Variants in ABI3BP observed in about 807,000 individuals in gnomAD.
ABI3BP encodes target of Nesh-SH3.
In ABI3BP, 216 loss-of-function variants were observed where a neutral mutation model predicts 268.6. That is an observed-to-expected ratio of 0.80 (90% confidence interval 0.72 to 0.90). ABI3BP has a LOEUF of 0.90. Ranked by LOEUF, ABI3BP falls within the 40% of genes least tolerant of loss-of-function variation. The pLI, the probability that ABI3BP is intolerant of heterozygous loss-of-function variation, is 0.00. For missense variants in ABI3BP, 2,090 were observed against 2,182.4 expected (o/e 0.96, Z 0.84); for synonymous variants, 730 against 730.0 (o/e 1.00, Z 0.00).
intron 1 of ABI3BP, among the ~76,000 whole-genome samples, chr3:100,958,526 T>C (rs1007550556): frequency 2.0e-5 from 3 of 152,252 alleles, no homozygotes; most frequent in Non-Finnish European, 4.4e-5. Context: ...GAGTATATTA[T>C]GAAAGTGTCC....
intron 3 of ABI3BP, 90 bp from the exon 4 acceptor site, chr3:100,898,984 G>C: frequency 7.4e-7 from 1 of 1,351,712 alleles, no homozygotes; most frequent in South Asian, 1.5e-5. Context: ...GACTTGGCAA[G>C]ATGATGCAAA....
At chr3:100,909,168 C>T (rs1159605142) in intron 2 of ABI3BP, among the ~76,000 whole-genome samples, 2 of 152,166 alleles carry the variant, frequency 1.3e-5, no homozygotes, top group African/African-American at 4.8e-5. Flanking sequence ...AAAGGATTCA[C>T]TACTTAACAA....
intron 1 of ABI3BP, among the ~76,000 whole-genome samples, chr3:100,949,814 G>T (rs1323725511): frequency 1.3e-5 from 2 of 152,166 alleles, no homozygotes; most frequent in African/African-American, 4.8e-5. Flanking sequence ...TTTGAAGAAG[G>T]AGGACTGTAT....
intron 18 of ABI3BP, 53 bp from the exon 19 acceptor site, chr3:100,847,726 C>A: frequency 6.9e-7 from 1 of 1,454,996 alleles, no homozygotes; most frequent in African/African-American, 1.4e-5. Context: ...AATAAAAAGA[C>A]ACCCTCTAAA....
intron 44 of ABI3BP, among the ~76,000 whole-genome samples, chr3:100,814,356 T>G (rs1391461638): frequency 6.6e-6 from 1 of 151,750 alleles, no homozygotes; most frequent in Non-Finnish European, 1.5e-5. Flanking sequence ...CATCTAGGAG[T>G]GTTTTGTTCT....
Position 100,834,713 on chromosome 3 carries a change from G to A in ABI3BP, c.2252C>T (p.Pro751Leu). 1 of 1,535,726 alleles carries A rather than the reference G, an allele frequency of 6.5e-7. No individual in the cohort carries two copies. The highest frequency in any genetic ancestry group is 8.7e-7 in the Non-Finnish European group (1 of 1,146,554). The stretch of plus-strand genomic sequence containing the variant: ...TTTGGTCTGCAGTGTCTCTGGGCGT[G>A]GCGTGGTTTTATGTTTGGGACGTGG... ...RRPRPKHKTT[P>L]RPETLQTKLD... The change falls in exon 29 of 68, where the codon CCA becomes CTA. Residue 751 changes from proline (P) to leucine (L), a missense_variant. Transcript: ENST00000471714.
In ABI3BP at chr3:100,749,865, T is replaced by G. The variant is rs558696338; in HGVS notation, c.*630A>C. On this transcript the variant is annotated 3_prime_UTR_variant, in exon 68 of 68. Transcript: ENST00000471714. ...TTTTAGCTGAAATGAAATTTACTGA[T>G]TCAATCTTTTTAAGAATTTGTGGAT... 5.0e-6 allele frequency: 2 copies of G among 396,146 alleles called. No homozygotes were observed. The highest frequency in any genetic ancestry group is 2.1e-5 in the African/African-American group (1 of 48,692). The allele number at this position is 396,146 out of a possible 1,614,324, so 24.5% of individuals were successfully genotyped here. A position where few individuals can be genotyped will look rare whatever the true frequency, so the allele number is the denominator to read the frequency against.
At chr3:100,787,605 G>A in intron 57 of ABI3BP, 123 bp downstream of exon 57, 1 of 765,924 alleles carries the variant, frequency 1.3e-6, no homozygotes, top group South Asian at 2.9e-5. Context: ...CAGTTACAGA[G>A]TTACTAAGAA....
intron 57 of ABI3BP, among the ~76,000 whole-genome samples, chr3:100,785,839 C>A (rs2097023281): frequency 6.6e-6 from 1 of 152,146 alleles, no homozygotes; most frequent in African/African-American, 2.4e-5. Flanking sequence ...TTCCTGAGAG[C>A]TTTCATTGGG....
chr3:100,841,705 G>A (rs548144230), intron 21 of ABI3BP, among the ~76,000 whole-genome samples: 28 of 152,012 alleles, frequency 1.8e-4, no homozygotes, highest in South Asian at 1.2e-3. Context: ...CCTGGCCAGC[G>A]TGGTGAAACC....
intron 2 of ABI3BP, among the ~76,000 whole-genome samples, chr3:100,913,494 C>T (rs1295897656): frequency 2.0e-5 from 3 of 152,136 alleles, no homozygotes; most frequent in Admixed American, 6.5e-5. Context: ...TGGAAAAACA[C>T]TGATGGTTAT....
intron 24 of ABI3BP, 105 bp downstream of exon 24, chr3:100,839,464 A>G (rs937487692): frequency 1.7e-5 from 20 of 1,204,156 alleles, no homozygotes; most frequent in East Asian, 5.1e-5. Context: ...GCGTGGGATG[A>G]AACTGTGATG....
rs575989009 is a variant in ABI3BP, at chr3:100,967,015, C to T, written c.79+26291G>A. Among the ~76,000 whole-genome samples the T allele has an allele frequency of 1.2e-4, 18 of 151,874 alleles. 1 individual carries two copies. In the South Asian group the frequency reaches 2.9e-3, roughly 25 times the overall value. ...CAGACCCAGGTCTGTTTTTGATTAG[C>T]AGTGTAATCATGGTTAATTGACTTA... On this transcript the variant is annotated intron_variant, in intron 1 of 67. Transcript: ENST00000471714.
At chr3:100,875,481 T>C in intron 8 of ABI3BP, 27 bp downstream of exon 8, 1 of 1,497,584 alleles carries the variant, frequency 6.7e-7, no homozygotes, top group East Asian at 2.3e-5. Context: ...TTGCTTAATC[T>C]CGGCATAGAT....
chr3:100,774,076 A>G lies in ABI3BP; in HGVS notation c.4531+529T>C, dbSNP rs1234934259. 2.6e-5 allele frequency among the ~76,000 whole-genome samples: 4 copies of G among 151,898 alleles called. No individual in the cohort carries two copies. The East Asian group carries it at 7.7e-4, about 29-fold the overall frequency. ...AAATTCATCAAATGTTACATTTCAG[A>G]AAAAAAAGGGCTCTATGTCATATTG... is the stretch of plus-strand genomic sequence containing the variant. On this transcript the variant is annotated intron_variant, in intron 61 of 67. Transcript: ENST00000471714.
intron 28 of ABI3BP, 147 bp downstream of exon 28, chr3:100,835,454 A>G (rs1028109481): frequency 3.1e-6 from 2 of 649,468 alleles, no homozygotes; most frequent in South Asian, 4.3e-5. Context: ...AGCACTTTCA[A>G]TACATTCAAA....
intron 1 of ABI3BP, among the ~76,000 whole-genome samples, chr3:100,968,562 C>G (rs2082232132): frequency 6.7e-6 from 1 of 148,542 alleles, no homozygotes; most frequent in African/African-American, 2.4e-5. Context: ...AAGTTGAAAT[C>G]TTGGTCTGTA....
intron 2 of ABI3BP, among the ~76,000 whole-genome samples, chr3:100,916,157 T>C (rs2058556771): frequency 6.6e-6 from 1 of 152,196 alleles, no homozygotes; most frequent in East Asian, 1.9e-4. Context: ...ACACACACAT[T>C]TTTCCAGTGA....
chr3:100,772,341 C>T (rs897635777), intron 61 of ABI3BP, among the ~76,000 whole-genome samples: 9 of 152,306 alleles, frequency 5.9e-5, no homozygotes, highest in African/African-American at 1.7e-4. Context: ...AGGTAACATA[C>T]ACAATGTTTT....
Sources: allele counts gnomAD v4.1 joint callset (sites outside exome capture counted in the v4.1 genomes callset), GRCh38; gene constraint gnomAD v4.1.1; transcripts MANE v1.5; gene names NCBI Gene and HGNC (gene_info 2026-07-23, HGNC 2026-07-21).